Variants in SIGLEC1 observed in about 807,000 individuals in gnomAD.
SIGLEC1 encodes the protein sialic acid binding Ig like lectin 1.
Under a neutral mutation model 148.0 loss-of-function variants are expected in SIGLEC1, and 132 were observed. That is an observed-to-expected ratio of 0.89 (90% CI 0.77 to 1.03). The LOEUF is 1.03. Ranked by LOEUF, SIGLEC1 falls within the 50% of genes least tolerant of loss-of-function variation. The probability of loss-of-function intolerance (pLI) is 0.00; values close to 1 mark genes in which losing one functional copy is unlikely to be tolerated. For synonymous variants in SIGLEC1, 945 were observed against 969.0 expected (o/e 0.98, Z 0.46); for missense variants, 2,253 against 2,271.4 (o/e 0.99, Z 0.16).
chr20:3,689,188 C>T lies in SIGLEC1; in HGVS notation c.5037G>A (p.Ser1679=), dbSNP rs375721803. ...TCTCTTTCTGAAAAGCCATCTCCACCGAATTCTCGCCCATGCTCTGCTTAC... is the reference window on the plus strand; with the variant it reads ...TCTCTTTCTGAAAAGCCATCTCCACTGAATTCTCGCCCATGCTCTGCTTAC... ...RVCKQSMGEN[S]VEMAFQKETT... is the part of the protein sequence containing the mutation. Residue 1679 remains serine (S), a synonymous_variant, in exon 21 of 22, where the codon TCG becomes TCA. Coordinates refer to ENST00000344754, the MANE Select transcript of SIGLEC1 (RefSeq NM_023068.4). The T allele has an allele frequency of 4.3e-6, 7 of 1,614,148 alleles. No individual in the cohort carries two copies. The highest frequency in any genetic ancestry group is 1.3e-5 in the African/African-American group (1 of 75,052).
At chr20:3,705,317 A>G (rs2087884356) in intron 4 of SIGLEC1, among the ~76,000 whole-genome samples, 1 of 152,178 alleles carries the variant, frequency 6.6e-6, no homozygotes, top group Non-Finnish European at 1.5e-5. Context: ...AATTTTTATC[A>G]TAAATCTGTG....
Position 3,694,412 on chromosome 20 carries a change from C to T in SIGLEC1, c.3065G>A (p.Arg1022His), listed in dbSNP as rs138719092. The T allele has an allele frequency of 4.2e-5, 68 of 1,612,786 alleles. No individual in the cohort carries two copies. The African/African-American group carries it at 5.2e-4, about 12-fold the overall frequency. The change falls in exon 13 of 22, where the codon CGC becomes CAC. Residue 1022 changes from arginine to histidine, a missense_variant. By Grantham distance (29) the Arg-to-His change is conservative. Coordinates refer to ENST00000344754, the MANE Select transcript of SIGLEC1 (RefSeq NM_023068.4). ...PAQLRLLHGDRLVASTLQGVG... is the reference protein window; with the variant it reads ...PAQLRLLHGDHLVASTLQGVG... ...ACCTTGTAGGGTGGAGGCCACAAGGCGATCCCCGTGGAGCAGCCGCAGCTG... is the reference window on the plus strand; with the variant it reads ...ACCTTGTAGGGTGGAGGCCACAAGGTGATCCCCGTGGAGCAGCCGCAGCTG...
intron 9 of SIGLEC1, 51 bp downstream of exon 9, chr20:3,697,747 T>C (rs1468792781): frequency 1.3e-6 from 2 of 1,559,104 alleles, no homozygotes; most frequent in South Asian, 1.1e-5. Context: ...AGCAGAACAG[T>C]CCAGAGCTCC....
Position 3,696,582 on chromosome 20 carries a change from T to C in SIGLEC1, c.2683+4A>G. Reference sequence around the variant, plus strand: ...TACCATATCTTCAGAAGACTGACACTCACCTCGGACCTGGAAGAAGAGTGA... The same window carrying C: ...TACCATATCTTCAGAAGACTGACACCCACCTCGGACCTGGAAGAAGAGTGA... On this transcript the variant is annotated splice_donor_region_variant and intron_variant, in intron 11 of 21. Coordinates refer to ENST00000344754, the MANE Select transcript of SIGLEC1 (RefSeq NM_023068.4). The C allele has an allele frequency of 6.3e-7, 1 of 1,598,390 alleles. No homozygotes were observed.
chr20:3,689,048 C>A, intron 21 of SIGLEC1, 107 bp downstream of exon 21: 1 of 974,004 alleles, frequency 1.0e-6, no homozygotes, highest in Non-Finnish European at 1.7e-6. Flanking sequence ...TCCCCAACCT[C>A]CCCTTGGTCC....
rs149478215 is a variant in SIGLEC1 at position 3,697,927 on chromosome 20, C to A, written c.1993G>T (p.Val665Phe). Residue 665 changes from valine (V) to phenylalanine (F), a missense_variant, in exon 9 of 22, where the codon GTC (valine) becomes TTC (phenylalanine). Transcript: ENST00000344754. Reference sequence around the variant, plus strand: ...CGCAGCAAGTTGGGGGCTTTGGTGACCTTCATGCGTGGGGAACAGCCCCCA... The same window carrying A: ...CGCAGCAAGTTGGGGGCTTTGGTGAACTTCATGCGTGGGGAACAGCCCCCA... ...TCGGCSPRMK[V>F]TKAPNLLRVE... 285 of 1,612,892 alleles carry A rather than the reference C, an allele frequency of 1.8e-4. 1 individual carries two copies. The highest frequency in any genetic ancestry group is 2.2e-4 in the Non-Finnish European group (263 of 1,179,954).
chr20:3,711,539 T>C (rs993010344), intron 1 of SIGLEC1, among the ~76,000 whole-genome samples: 14 of 152,116 alleles, frequency 9.2e-5, no homozygotes, highest in African/African-American at 3.1e-4. Context: ...AACTTCCCCA[T>C]TGGGCTAGAG....
chr20:3,706,835 G>T, intron 2 of SIGLEC1, 129 bp from the exon 3 acceptor site: 1 of 1,211,554 alleles, frequency 8.3e-7, no homozygotes, highest in Non-Finnish European at 1.1e-6. Flanking sequence ...CCCGAGAAAT[G>T]CACACTTAGA....
chr20:3,688,424 T>G lies in SIGLEC1; in HGVS notation c.*136A>C. 1 of 783,094 alleles carries G rather than the reference T, an allele frequency of 1.3e-6. No individual in the cohort carries two copies. Among genetic ancestry groups the G allele is most frequent in the Non-Finnish European group, 2.2e-6 (1 of 458,072 alleles). 48.5% of individuals were successfully genotyped at this position (783,094 alleles called of 1,614,324 possible). ...GGGGGGCAAGAGGCTTGGGGCCAGG[T>G]CATAAAAAGTCAGATGTCACAGAGC... On this transcript the variant is annotated 3_prime_UTR_variant, in exon 22 of 22. Transcript: ENST00000344754.
rs765559682 is a variant in SIGLEC1 at position 3,697,839 on chromosome 20, G to A, written c.2081C>T (p.Ala694Val). 6.8e-6 allele frequency: 11 copies of A among 1,612,912 alleles called. No individual in the cohort carries two copies. The Admixed American group carries it at 8.3e-5, about 12-fold the overall frequency. The change falls in exon 9 of 22, where the codon GCC becomes GTC. Residue 694 changes from alanine (A) to valine (V), a missense_variant. Transcript: ENST00000344754. ...EGLYLCEASNALGNASTSATF... is the reference protein window; with the variant it reads ...EGLYLCEASNVLGNASTSATF... The stretch of plus-strand genomic sequence containing the variant: ...GGCTGAGGTGGAGGCGTTGCCCAGG[G>A]CATTGCTGGCCTCACAGAGGTACAA...
chr20:3,690,337 G>A lies in SIGLEC1; in HGVS notation c.4592-73C>T, dbSNP rs1026468160. On this transcript the variant is annotated intron_variant, in intron 18 of 21. Coordinates refer to ENST00000344754, the MANE Select transcript of SIGLEC1 (RefSeq NM_023068.4). ...TTCTCCCTCCCTGTACCCATGCACA[G>A]TGACTTTGCTGCTCCTCCCATTAAG... is the stretch of plus-strand genomic sequence containing the variant. 44 of 1,268,272 alleles carry A rather than the reference G, an allele frequency of 3.5e-5. No homozygotes were observed. In the African/African-American group the frequency reaches 4.5e-4, roughly 13 times the overall value. The allele number at this position is 1,268,272 out of a possible 1,614,324, so 78.6% of individuals were successfully genotyped here. A position where few individuals can be genotyped will look rare whatever the true frequency, so the allele number is the denominator to read the frequency against.
At chr20:3,712,355 C>A (rs2087933262) in intron 1 of SIGLEC1, among the ~76,000 whole-genome samples, 115 bp downstream of exon 1, 1 of 136,996 alleles carries the variant, frequency 7.3e-6, no homozygotes, top group Non-Finnish European at 1.6e-5. Flanking sequence ...ACCACTCGCA[C>A]CCAGATGGAG....
At position 3,690,148 on chromosome 20, in the gene SIGLEC1, T is replaced by G. The variant is rs2088742122; in HGVS notation, c.4708A>C (p.Ser1570Arg). The change falls in exon 19 of 22, where the codon AGT (serine) becomes CGT (arginine). Residue 1570 changes from serine to arginine, a missense_variant. Physicochemically the swap from Ser to Arg is moderately radical, Grantham distance 110. Transcript: ENST00000344754. ...PLASLTLHLG[S>R]RLVASSQPQG... is the part of the protein sequence containing the mutation. ...GGCTGACTGGAGGCCACCAGTCGAC[T>G]GCCAAGGTGGAGAGTCAGGCTGGCG... The G allele has an allele frequency of 6.2e-7, 1 of 1,602,084 alleles. No individual in the cohort carries two copies. Among genetic ancestry groups the G allele is most frequent in the South Asian group, 1.1e-5 (1 of 88,948 alleles).
chr20:3,698,478 G>A (rs935071917), intron 8 of SIGLEC1, among the ~76,000 whole-genome samples: 1 of 152,230 alleles, frequency 6.6e-6, no homozygotes, highest in Non-Finnish European at 1.5e-5. Flanking sequence ...TGGGGGTCAT[G>A]CTGTCTGCTC....
chr20:3,705,176 T>C (rs1471977932), intron 4 of SIGLEC1, among the ~76,000 whole-genome samples: 3 of 152,148 alleles, frequency 2.0e-5, no homozygotes, highest in African/African-American at 7.2e-5. Flanking sequence ...TTTGTATTTT[T>C]AGTAGAGACG....
In SIGLEC1 at chr20:3,699,277, C is replaced by T. The variant is rs372593160; in HGVS notation, c.1711G>A (p.Gly571Ser). 60 of 1,609,112 alleles carry T rather than the reference C, an allele frequency of 3.7e-5. No homozygotes were observed. Among genetic ancestry groups the T allele is most frequent in the South Asian group, 2.2e-4 (20 of 90,128 alleles). ...LLPAASSTDA[G>S]SYHCRARDGH... ...TCCCGGGCCCGGCAGTGGTATGAGC[C>T]GGCGTCAGTGCTGGAGGCCGCGGGG... The change falls in exon 8 of 22, where the codon GGC (glycine) becomes AGC (serine). Residue 571 changes from glycine to serine, a missense_variant. Coordinates refer to ENST00000344754, the MANE Select transcript of SIGLEC1 (RefSeq NM_023068.4).
At chr20:3,700,373 C>T (rs978616433) in intron 7 of SIGLEC1, among the ~76,000 whole-genome samples, 6 of 151,968 alleles carry the variant, frequency 3.9e-5, no homozygotes, top group African/African-American at 1.4e-4. Context: ...CTGCCTCGGC[C>T]TCCCAAAGTG....
chr20:3,705,792 A>C lies in SIGLEC1; in HGVS notation c.658T>G (p.Ser220Ala). ...CTCTGAGCCCTGTGATTGGCCACGG[A>C]GAGCTGGCAGCGCAGGATCCGGCCG... is the stretch of plus-strand genomic sequence containing the variant. ...DHGRILRCQL[S>A]VANHRAQSEI... The change falls in exon 4 of 22, where the codon TCC becomes GCC. Residue 220 changes from serine (S) to alanine (A), a missense_variant. Coordinates refer to ENST00000344754, the MANE Select transcript of SIGLEC1 (RefSeq NM_023068.4). The C allele has an allele frequency of 2.5e-6, 4 of 1,613,640 alleles. No individual in the cohort carries two copies. Among genetic ancestry groups the C allele is most frequent in the Non-Finnish European group, 3.4e-6 (4 of 1,179,778 alleles).
At chr20:3,696,222 T>G (rs2088820971) in intron 11 of SIGLEC1, among the ~76,000 whole-genome samples, 1 of 151,892 alleles carries the variant, frequency 6.6e-6, no homozygotes, top group African/African-American at 2.4e-5. Context: ...ATACACATAA[T>G]GTATATTTGT....
Sources: gnomAD v4.1 joint callset for allele counts (sites outside exome capture counted in the v4.1 genomes callset) on GRCh38, gnomAD v4.1.1 for gene constraint, MANE v1.5 for transcripts, NCBI Gene and HGNC (gene_info 2026-07-23, HGNC 2026-07-21) for gene names.